DPH6: variants seen among roughly 807,000 people sequenced by gnomAD.
DPH6 encodes the protein diphthamine biosynthesis 6.
A neutral mutation model predicts 38.2 loss-of-function variants in DPH6; 33 were observed. The observed-to-expected ratio is 0.86, with a 90% confidence interval of 0.65 to 1.15. The LOEUF is 1.15. Among genes scored for constraint, DPH6 ranks in the 50% most tolerant of loss-of-function variants. The probability of loss-of-function intolerance (pLI) is 0.00; values close to 1 mark genes in which losing one functional copy is unlikely to be tolerated. For synonymous variants in DPH6, 108 were observed against 103.0 expected, an observed-to-expected ratio of 1.05 and a Z score of -0.30; for missense variants, 325 against 320.0, an observed-to-expected ratio of 1.02 and a Z score of -0.12.
intron 5 of DPH6, among the ~76,000 whole-genome samples, chr15:35,419,593 A>G (rs1357474705): frequency 2.0e-5 from 3 of 152,138 alleles, no homozygotes; most frequent in Non-Finnish European, 4.4e-5. Flanking sequence ...TAAAGGAATA[A>G]TAATAATAAA....
intron 4 of DPH6, among the ~76,000 whole-genome samples, chr15:35,451,785 T>A (rs568400970): frequency 6.6e-6 from 1 of 151,974 alleles, no homozygotes; most frequent in Non-Finnish European, 1.5e-5. Flanking sequence ...CCAAGGCGGG[T>A]GGATCACGAG....
At chr15:35,190,328 T>C in the DPH6 span, among the ~76,000 whole-genome samples, 3 of 152,204 alleles carry the variant, frequency 2.0e-5, no homozygotes, top group Middle Eastern at 3.2e-3. Context: ...CGGAGTTTTA[T>C]TATTACTCAA....
chr15:35,345,210 T>C (rs897109568), intron 3 of DPH6, among the ~76,000 whole-genome samples: 1 of 151,860 alleles, frequency 6.6e-6, no homozygotes, highest in Non-Finnish European at 1.5e-5. Flanking sequence ...TAAAATTAAT[T>C]TGTAAATTAA....
At chr15:35,344,127 A>T (rs1415446149) in intron 3 of DPH6, among the ~76,000 whole-genome samples, 1 of 152,038 alleles carries the variant, frequency 6.6e-6, no homozygotes, top group African/African-American at 2.4e-5. Flanking sequence ...ATGTTTTATT[A>T]AAAAATGTCT....
intron 3 of DPH6, among the ~76,000 whole-genome samples, chr15:35,252,918 T>C (rs1475019335): frequency 2.0e-5 from 3 of 152,232 alleles, no homozygotes; most frequent in Non-Finnish European, 4.4e-5. Context: ...GAAATATACA[T>C]TAGAGTTGTA....
chr15:35,313,390 T>C (rs79700459), intron 3 of DPH6, among the ~76,000 whole-genome samples: 2,584 of 152,158 alleles, frequency 0.017, 60 homozygotes, highest in African/African-American at 0.059. Flanking sequence ...TCCTTGGTAT[T>C]TGGATAGGGA....
At chr15:35,542,103 T>C (rs897544511) in intron 2 of DPH6, among the ~76,000 whole-genome samples, 1 of 152,148 alleles carries the variant, frequency 6.6e-6, no homozygotes, top group Non-Finnish European at 1.5e-5. Flanking sequence ...AAAATGGTAG[T>C]GTACTTTGAA....
In DPH6 at chr15:35,479,946, T is replaced by C. The variant is rs1302851796; in HGVS notation, c.313-25126A>G. 3.3e-5 allele frequency among the ~76,000 whole-genome samples: 5 copies of C among 152,098 alleles called. 1 individual carries two copies. Among genetic ancestry groups the C allele is most frequent in the Admixed American group, 3.3e-4 (5 of 15,244 alleles). ...GTTAACTAAAAAGAAAACAAGAATG[T>C]AAGTTATTTGTTTAAAAATATATTT... On this transcript the variant is annotated intron_variant, in intron 3 of 8. Coordinates refer to ENST00000256538, the MANE Select transcript of DPH6 (RefSeq NM_080650.4).
intron 3 of DPH6, among the ~76,000 whole-genome samples, chr15:35,360,271 G>T (rs978987760): frequency 6.6e-6 from 1 of 152,136 alleles, no homozygotes; most frequent in Non-Finnish European, 1.5e-5. Context: ...CTGTAGTCAG[G>T]TACACAGTTG....
chr15:35,429,750 A>G (rs895164483), intron 5 of DPH6, among the ~76,000 whole-genome samples: 1 of 152,152 alleles, frequency 6.6e-6, no homozygotes, highest in Non-Finnish European at 1.5e-5. Flanking sequence ...TATATAAGGG[A>G]ATTAAATTAC....
At chr15:35,299,374 A>C in intron 3 of DPH6, 1 of 926,576 alleles carries the variant, frequency 1.1e-6, no homozygotes, top group East Asian at 2.4e-5. Context: ...AGACTGTAGA[A>C]GTTTGAAGTT....
chr15:35,461,323 T>G (rs1388679354), intron 3 of DPH6, among the ~76,000 whole-genome samples: 1 of 152,212 alleles, frequency 6.6e-6, no homozygotes, highest in Admixed American at 6.5e-5. Flanking sequence ...TCCTCCTGCC[T>G]TGGCCTCCCA....
At chr15:35,486,493 C>G (rs1441663850) in intron 3 of DPH6, among the ~76,000 whole-genome samples, 1 of 152,022 alleles carries the variant, frequency 6.6e-6, no homozygotes, top group African/African-American at 2.4e-5. Flanking sequence ...AGAGAGAAAG[C>G]AAGAAGGGAA....
rs116042729 is a variant in DPH6 at position 35,226,933 on chromosome 15, G to C, written n.201-6351C>G. Among the ~76,000 whole-genome samples the C allele has an allele frequency of 3.2e-3, 481 of 152,190 alleles. 1 individual carries two copies. Among genetic ancestry groups the C allele is most frequent in the African/African-American group, 0.011 (457 of 41,512 alleles). ...TTTAAATGTTTGGTAGAAATCAGCA[G>C]TGAAGCCATTAGGTTCTGTCTGGGC... On this transcript the variant is annotated intron_variant and non_coding_transcript_variant, in intron 3 of 3. Transcript: ENST00000560386.
At chr15:35,184,842 T>C in the DPH6 span, among the ~76,000 whole-genome samples, 26 of 152,264 alleles carry the variant, frequency 1.7e-4, no homozygotes, top group East Asian at 4.8e-3. Context: ...GTGGGTCATT[T>C]TGTAGGGTCA....
intron 3 of DPH6, among the ~76,000 whole-genome samples, chr15:35,235,500 A>G (rs1566845929): frequency 6.6e-6 from 1 of 152,244 alleles, no homozygotes; most frequent in Non-Finnish European, 1.5e-5. Context: ...TAAATGCTCT[A>G]TTCACCTCTG....
intron 5 of DPH6, among the ~76,000 whole-genome samples, chr15:35,433,148 T>A (rs561859469): frequency 4.0e-4 from 61 of 152,288 alleles, no homozygotes; most frequent in African/African-American, 1.4e-3. Context: ...AATTCATTGT[T>A]TAAAGAGAAG....
chr15:35,407,084 T>G (rs181249977), intron 6 of DPH6, among the ~76,000 whole-genome samples: 1 of 152,092 alleles, frequency 6.6e-6, no homozygotes, highest in East Asian at 1.9e-4. Flanking sequence ...AGCAACACAC[T>G]CTTTCAGAGA....
chr15:35,225,305 T>C (rs2051473152), intron 3 of DPH6, among the ~76,000 whole-genome samples: 1 of 152,246 alleles, frequency 6.6e-6, no homozygotes, highest in African/African-American at 2.4e-5. Flanking sequence ...GATGTTAATC[T>C]TGATCATTTG....
Sources: allele counts gnomAD v4.1 joint callset (sites outside exome capture counted in the v4.1 genomes callset), GRCh38; gene constraint gnomAD v4.1.1; transcripts MANE v1.5; gene names NCBI Gene and HGNC (gene_info 2026-07-23, HGNC 2026-07-21).